Variants in RBFOX1 observed in about 807,000 individuals in gnomAD.
RBFOX1 encodes the protein RNA binding fox-1 homolog 1.
RBFOX1 carries 8 observed loss-of-function variants against 57.7 expected under a neutral mutation model. The ratio of observed to expected loss-of-function variants is 0.14; its 90% confidence interval spans 0.08 to 0.25. The LOEUF is 0.25. Among genes scored for constraint, RBFOX1 ranks in the 10% least tolerant of loss-of-function variants. The pLI is 1.00. For synonymous variants in RBFOX1, 326 were observed against 222.4 expected (o/e 1.47, Z -4.15); for missense variants, 611 against 548.5 (o/e 1.11, Z -1.14).
chr16:6,330,612 A>T (rs1165447422), intron 2 of RBFOX1, among the ~76,000 whole-genome samples: 1 of 152,234 alleles, frequency 6.6e-6, no homozygotes, highest in African/African-American at 2.4e-5. Context: ...GTGCTCTTCT[A>T]TGCTAGGCAT....
At chr16:6,087,104 A>G (rs2096097301) in intron 1 of RBFOX1, among the ~76,000 whole-genome samples, 1 of 152,180 alleles carries the variant, frequency 6.6e-6, no homozygotes, top group Non-Finnish European at 1.5e-5. Flanking sequence ...CAGTAATCCA[A>G]TTTCCGTCAG....
intron 3 of RBFOX1, among the ~76,000 whole-genome samples, chr16:6,667,852 A>G (rs773816405): frequency 2.8e-4 from 43 of 152,038 alleles, no homozygotes; most frequent in Non-Finnish European, 4.4e-4. Flanking sequence ...TCGTACCACC[A>G]CACTCCAGCC....
intron 4 of RBFOX1, among the ~76,000 whole-genome samples, chr16:7,115,237 T>A (rs918329396): frequency 6.6e-6 from 1 of 152,200 alleles, no homozygotes; most frequent in African/African-American, 2.4e-5. Flanking sequence ...GACATTCCCA[T>A]GTCAATGAAT....
intron 10 of RBFOX1, among the ~76,000 whole-genome samples, chr16:7,617,620 A>G (rs1042789549): frequency 6.6e-6 from 1 of 152,194 alleles, no homozygotes; most frequent in Non-Finnish European, 1.5e-5. Context: ...AGGGCCAAAG[A>G]GACAGACCGT....
At chr16:6,460,718 C>A (rs1008222855) in intron 2 of RBFOX1, among the ~76,000 whole-genome samples, 1 of 151,902 alleles carries the variant, frequency 6.6e-6, no homozygotes, top group African/African-American at 2.4e-5. Flanking sequence ...ACCAAAAATA[C>A]CATTTGCTGC....
chr16:6,582,381 G>T (rs573271768), intron 2 of RBFOX1, among the ~76,000 whole-genome samples: 4 of 151,920 alleles, frequency 2.6e-5, no homozygotes, highest in Non-Finnish European at 5.9e-5. Flanking sequence ...AATTAATGAT[G>T]CTGACATAAT....
At chr16:7,041,373 T>C (rs1451467094) in intron 3 of RBFOX1, among the ~76,000 whole-genome samples, 2 of 152,164 alleles carry the variant, frequency 1.3e-5, no homozygotes, top group Non-Finnish European at 2.9e-5. Context: ...GCAATGCATT[T>C]CCTATTTGGC....
intron 4 of RBFOX1, among the ~76,000 whole-genome samples, chr16:7,268,481 C>T (rs188677253): frequency 1.2e-4 from 19 of 152,266 alleles, no homozygotes; most frequent in South Asian, 6.2e-4. Flanking sequence ...TCAGGAGTGC[C>T]TGACACTCCT....
chr16:6,821,843 G>A (rs990053169), intron 3 of RBFOX1, among the ~76,000 whole-genome samples: 1 of 152,142 alleles, frequency 6.6e-6, no homozygotes, highest in Non-Finnish European at 1.5e-5. Context: ...GAAGGTGCAG[G>A]CACTTGTCTG....
At chr16:5,335,256 T>C (rs941871444) in intron 1 of RBFOX1, among the ~76,000 whole-genome samples, 3 of 152,222 alleles carry the variant, frequency 2.0e-5, no homozygotes, top group Admixed American at 2.0e-4. Context: ...ATCACAGAGA[T>C]TAGCCTTTTG....
intron 4 of RBFOX1, among the ~76,000 whole-genome samples, chr16:7,292,359 TTA>T (rs1415424368): frequency 1.4e-5 from 2 of 138,704 alleles, no homozygotes; most frequent in Admixed American, 7.6e-5. Flanking sequence ...ATATAATGTA[TTA>T]TGTTATATAT....
chr16:5,515,732 G>T (rs2043767901), intron 2 of RBFOX1, among the ~76,000 whole-genome samples: 1 of 152,160 alleles, frequency 6.6e-6, no homozygotes, highest in Non-Finnish European at 1.5e-5. Context: ...CTGCAGAGAA[G>T]CTTTGGAAAG....
At chr16:5,553,257 T>A (rs757987748) in intron 2 of RBFOX1, among the ~76,000 whole-genome samples, 2 of 151,918 alleles carry the variant, frequency 1.3e-5, no homozygotes, top group East Asian at 1.9e-4. Flanking sequence ...CTTGTACACA[T>A]GTACCCTAGA....
chr16:5,541,873 T>C (rs866760021), intron 2 of RBFOX1, among the ~76,000 whole-genome samples: 17 of 152,216 alleles, frequency 1.1e-4, no homozygotes, highest in African/African-American at 3.9e-4. Flanking sequence ...GCCGTTCAGA[T>C]CAGGGGCCTC....
At chr16:6,966,219 G>C (rs1388596117) in intron 3 of RBFOX1, among the ~76,000 whole-genome samples, 1 of 152,056 alleles carries the variant, frequency 6.6e-6, no homozygotes, top group African/African-American at 2.4e-5. Context: ...CTCTGTCCCA[G>C]CTTCTCACAT....
intron 2 of RBFOX1, among the ~76,000 whole-genome samples, chr16:6,352,112 G>C (rs575259575): frequency 4.6e-5 from 7 of 152,262 alleles, no homozygotes; most frequent in African/African-American, 1.7e-4. Flanking sequence ...AGTTTGTAGA[G>C]GTTTCTCCAG....
At chr16:5,904,267 A>C (rs1352962481) in intron 4 of RBFOX1, among the ~76,000 whole-genome samples, 2 of 152,054 alleles carry the variant, frequency 1.3e-5, no homozygotes, top group Non-Finnish European at 2.9e-5. Flanking sequence ...GAATTTATTA[A>C]ATAAGAAATC....
chr16:5,477,980 A>C (rs371221960), intron 2 of RBFOX1, among the ~76,000 whole-genome samples: 1 of 151,590 alleles, frequency 6.6e-6, no homozygotes, highest in Admixed American at 6.6e-5. Context: ...GGCCCACCTC[A>C]CTCCCCACTT....
At chr16:5,269,354 T>C (rs1206173519) in intron 1 of RBFOX1, among the ~76,000 whole-genome samples, 4 of 152,258 alleles carry the variant, frequency 2.6e-5, no homozygotes, top group Non-Finnish European at 5.9e-5. Flanking sequence ...TATGTCTTCC[T>C]TGGAGATGTG....
Sources: allele counts gnomAD v4.1 joint callset (sites outside exome capture counted in the v4.1 genomes callset), GRCh38; gene constraint gnomAD v4.1.1; transcripts MANE v1.5; gene names NCBI Gene and HGNC (gene_info 2026-07-23, HGNC 2026-07-21).